The following LRRC4C variants were observed in gnomAD, a reference collection of about 807,000 sequenced individuals.
LRRC4C encodes the protein leucine rich repeat containing 4C.
Under a neutral mutation model 33.6 loss-of-function variants are expected in LRRC4C, and 5 were observed. The observed-to-expected ratio is 0.15, with a 90% CI of 0.08 to 0.31. The LOEUF (loss-of-function observed/expected upper bound fraction) is 0.31. LRRC4C is among the 10% of genes least tolerant of loss of function. The pLI is 1.00. For missense variants in LRRC4C, 560 were observed against 796.7 expected (o/e 0.70, Z 3.58); for synonymous variants, 329 against 302.0 (o/e 1.09, Z -0.93).
chr11:41,298,730 A>G (rs535456187), intron 1 of LRRC4C, among the ~76,000 whole-genome samples: 3 of 152,272 alleles, frequency 2.0e-5, no homozygotes, highest in South Asian at 4.1e-4. Flanking sequence ...GGCTTTTTGT[A>G]TGACTATTAC....
chr11:40,620,770 G>T (rs564966876), intron 3 of LRRC4C, among the ~76,000 whole-genome samples: 22 of 151,792 alleles, frequency 1.4e-4, no homozygotes, highest in Non-Finnish European at 1.9e-4. Context: ...GAACATCTTT[G>T]CAGTCACTAA....
chr11:41,196,620 A>C (rs1340102467), intron 1 of LRRC4C, among the ~76,000 whole-genome samples: 3 of 152,110 alleles, frequency 2.0e-5, no homozygotes, highest in African/African-American at 4.8e-5. Flanking sequence ...GAATGTATAC[A>C]TAAAATGCAA....
At chr11:40,218,580 AT>A (rs1380889683) in intron 5 of LRRC4C, among the ~76,000 whole-genome samples, 2 of 29,858 alleles carry the variant, frequency 6.7e-5, no homozygotes, top group African/African-American at 1.8e-4. Context: ...TGAAGAATCT[AT>A]GTATGTATGT....
At chr11:41,432,880 G>T (rs181012448) in intron 1 of LRRC4C, among the ~76,000 whole-genome samples, 2 of 152,238 alleles carry the variant, frequency 1.3e-5, no homozygotes, top group Admixed American at 1.3e-4. Flanking sequence ...TTTATAGTCT[G>T]CAGGAAGTTT....
At chr11:40,751,948 G>A (rs994578086) in intron 2 of LRRC4C, among the ~76,000 whole-genome samples, 4 of 151,994 alleles carry the variant, frequency 2.6e-5, no homozygotes, top group South Asian at 2.1e-4. Context: ...ATAAATCAAT[G>A]TATTTATAGC....
intron 2 of LRRC4C, among the ~76,000 whole-genome samples, chr11:40,807,270 C>T (rs1275646113): frequency 6.6e-6 from 1 of 152,188 alleles, no homozygotes; most frequent in African/African-American, 2.4e-5. Flanking sequence ...ACTTAATTTT[C>T]ACACTGTACC....
intron 3 of LRRC4C, among the ~76,000 whole-genome samples, chr11:40,508,471 A>C (rs1955147466): frequency 6.6e-6 from 1 of 151,978 alleles, no homozygotes; most frequent in Non-Finnish European, 1.5e-5. Context: ...AAGTTGGCCC[A>C]AAAAAAGCTT....
rs1398519895 is a variant in LRRC4C at position 40,411,307 on chromosome 11, T to C, written c.-269-91586A>G. Among the ~76,000 whole-genome samples, 4 of 152,102 alleles carry C rather than the reference T, an allele frequency of 2.6e-5. No individual in the cohort carries two copies. In the East Asian group the frequency reaches 7.7e-4, roughly 29 times the overall value. Reference sequence around the variant, plus strand: ...TTTTTGTTGACTTGTAGTCACAGAGTTGAGATTTTAGAGTATTTTTAATTT... The same window carrying C: ...TTTTTGTTGACTTGTAGTCACAGAGCTGAGATTTTAGAGTATTTTTAATTT... On this transcript the variant is annotated intron_variant, in intron 3 of 6. Coordinates refer to ENST00000528697, the MANE Select transcript of LRRC4C (RefSeq NM_001258419.2).
intron 4 of LRRC4C, among the ~76,000 whole-genome samples, chr11:40,308,644 C>CT (rs898052787): frequency 2.0e-5 from 3 of 151,672 alleles, no homozygotes; most frequent in South Asian, 2.1e-4. Flanking sequence ...CAACCACAAA[C>CT]TTTTTTTTTC....
chr11:40,571,610 T>C (rs1023350561), intron 3 of LRRC4C, among the ~76,000 whole-genome samples: 1 of 152,158 alleles, frequency 6.6e-6, no homozygotes, highest in African/African-American at 2.4e-5. Context: ...TCTTTATGTA[T>C]AATTCAGTCT....
intron 3 of LRRC4C, among the ~76,000 whole-genome samples, chr11:40,377,927 A>G (rs1328834662): frequency 6.6e-6 from 1 of 152,074 alleles, no homozygotes; most frequent in Non-Finnish European, 1.5e-5. Context: ...GATAGATTAT[A>G]AAAAGAAGGA....
intron 3 of LRRC4C, among the ~76,000 whole-genome samples, chr11:40,363,549 C>A (rs1948065598): frequency 6.6e-6 from 1 of 151,976 alleles, no homozygotes. Context: ...GCACATGAAC[C>A]CAGAATGTAA....
chr11:41,164,333 C>T (rs540508802), intron 1 of LRRC4C, among the ~76,000 whole-genome samples: 1 of 151,944 alleles, frequency 6.6e-6, no homozygotes, highest in Non-Finnish European at 1.5e-5. Context: ...TCTTTAGGAA[C>T]AATAACAAGC....
chr11:40,943,903 C>T (rs969979183), intron 1 of LRRC4C, among the ~76,000 whole-genome samples: 4 of 152,208 alleles, frequency 2.6e-5, no homozygotes, highest in African/African-American at 9.6e-5. Flanking sequence ...CCCAATTTCA[C>T]TTCCAGAAAA....
chr11:40,231,775 C>G (rs907862084), intron 5 of LRRC4C, among the ~76,000 whole-genome samples: 3 of 152,172 alleles, frequency 2.0e-5, no homozygotes, highest in African/African-American at 7.2e-5. Flanking sequence ...TTAATATTTA[C>G]ACAGTTTATA....
At chr11:41,058,586 C>A (rs1241687233) in intron 1 of LRRC4C, among the ~76,000 whole-genome samples, 1 of 152,212 alleles carries the variant, frequency 6.6e-6, no homozygotes, top group Non-Finnish European at 1.5e-5. Flanking sequence ...AATAAATACC[C>A]CAAATATCCT....
chr11:41,394,185 C>T (rs1953714482), intron 1 of LRRC4C, among the ~76,000 whole-genome samples: 1 of 151,862 alleles, frequency 6.6e-6, no homozygotes, highest in Non-Finnish European at 1.5e-5. Context: ...ATAATAGTGG[C>T]TATTGTGGAT....
chr11:41,090,145 T>A (rs1940302230), intron 1 of LRRC4C, among the ~76,000 whole-genome samples: 1 of 152,142 alleles, frequency 6.6e-6, no homozygotes, highest in Admixed American at 6.6e-5. Flanking sequence ...GGAAAATGTT[T>A]GCAATATATC....
chr11:40,740,433 A>AT (rs1948100103), intron 2 of LRRC4C, among the ~76,000 whole-genome samples: 1 of 151,876 alleles, frequency 6.6e-6, no homozygotes, highest in African/African-American at 2.4e-5. Flanking sequence ...TCTGCTGGCT[A>AT]TTTTTTACCT....
Sources: gnomAD v4.1 joint callset for allele counts (sites outside exome capture counted in the v4.1 genomes callset) on GRCh38, gnomAD v4.1.1 for gene constraint, MANE v1.5 for transcripts, NCBI Gene and HGNC (gene_info 2026-07-23, HGNC 2026-07-21) for gene names.